The following GABRB1 variants were observed in gnomAD, a reference collection of about 807,000 sequenced individuals.
GABRB1 encodes gamma-aminobutyric acid type A receptor subunit beta1, also known as gamma-aminobutyric acid receptor subunit beta-1.
A neutral mutation model predicts 51.6 loss-of-function variants in GABRB1; 17 were observed. The observed-to-expected ratio is 0.33, with a 90% confidence interval of 0.23 to 0.49. The LOEUF is 0.49. Ranked by LOEUF, GABRB1 falls within the 20% of genes least tolerant of loss-of-function variation. The pLI is 0.99. For missense variants in GABRB1, 410 were observed against 600.6 expected (o/e 0.68, Z 3.32); for synonymous variants, 247 against 218.9 (o/e 1.13, Z -1.14).
At chr4:47,395,474 T>A (rs759871723) in intron 5 of GABRB1, among the ~76,000 whole-genome samples, 23 of 152,104 alleles carry the variant, frequency 1.5e-4, no homozygotes, top group Non-Finnish European at 2.8e-4. Context: ...AGGCCCCTCC[T>A]CCCACACGTG....
chr4:47,252,432 G>A (rs1722030024), intron 4 of GABRB1, among the ~76,000 whole-genome samples: 1 of 151,622 alleles, frequency 6.6e-6, no homozygotes, highest in Non-Finnish European at 1.5e-5. Flanking sequence ...CCTCAGGATT[G>A]CTGGATTGTT....
intron 4 of GABRB1, among the ~76,000 whole-genome samples, chr4:47,271,710 C>T (rs541253395): frequency 1.3e-5 from 2 of 152,144 alleles, no homozygotes; most frequent in Admixed American, 6.6e-5. Context: ...TCATCAGTAA[C>T]GTTTCAGGAG....
intron 4 of GABRB1, among the ~76,000 whole-genome samples, chr4:47,183,600 G>C (rs1414415448): frequency 6.6e-6 from 1 of 151,262 alleles, no homozygotes; most frequent in Non-Finnish European, 1.5e-5. Context: ...CCAAACTCTT[G>C]ACATGGAATG....
At chr4:47,146,677 G>C (rs199541439) in intron 3 of GABRB1, among the ~76,000 whole-genome samples, 1 of 151,992 alleles carries the variant, frequency 6.6e-6, no homozygotes, top group Non-Finnish European at 1.5e-5. Flanking sequence ...CACACTGAGT[G>C]TAAGAATTGT....
intron 4 of GABRB1, among the ~76,000 whole-genome samples, chr4:47,218,864 T>C (rs1720657281): frequency 6.6e-6 from 1 of 151,896 alleles, no homozygotes; most frequent in African/African-American, 2.4e-5. Context: ...GAGCCAAGTA[T>C]TCCTGAAATA....
At chr4:47,352,129 G>A (rs950536291) in intron 5 of GABRB1, among the ~76,000 whole-genome samples, 42 of 152,198 alleles carry the variant, frequency 2.8e-4, no homozygotes, top group African/African-American at 5.8e-4. Context: ...GTATCTCATC[G>A]TGGTTTTGAT....
Position 47,094,229 on chromosome 4 carries a change from CTT to C in GABRB1, c.240+61760_240+61761del, listed in dbSNP as rs35279182. ...TTAATTTTTTCTTTTTCTTTTTTCTCTTTTTTTTTTTTTTTTGACAGAGTCTT... is the reference window on the plus strand; with the variant it reads ...TTAATTTTTTCTTTTTCTTTTTTCTCTTTTTTTTTTTTTTGACAGAGTCTT... On this transcript the variant is annotated intron_variant, in intron 3 of 8. Transcript: ENST00000295454. Among the ~76,000 whole-genome samples, 677 of 126,580 alleles carry C rather than the reference CTT, an allele frequency of 5.3e-3. 3 individuals carry two copies. The highest frequency in any genetic ancestry group is 7.6e-3 in the Non-Finnish European group (460 of 60,890). The allele number at this position is 126,580 out of a possible 152,430, so 83.0% of individuals were successfully genotyped here. A position where few individuals can be genotyped will look rare whatever the true frequency, so the allele number is the denominator to read the frequency against.
intron 4 of GABRB1, among the ~76,000 whole-genome samples, chr4:47,231,343 T>C (rs1721135504): frequency 6.6e-6 from 1 of 152,192 alleles, no homozygotes; most frequent in Admixed American, 6.5e-5. Flanking sequence ...TGTTAGTCAA[T>C]TGATTTCTTT....
Position 47,425,964 on chromosome 4 carries a change from C to T in GABRB1, c.1371C>T (p.Phe457=), listed in dbSNP as rs917492035. The T allele has an allele frequency of 1.9e-6, 3 of 1,611,588 alleles. No homozygotes were observed. In the African/African-American group the frequency reaches 4.0e-5, roughly 22 times the overall value. The change falls in exon 9 of 9, where the codon TTC becomes TTT. Residue 457 remains phenylalanine (F), a synonymous_variant. Coordinates refer to ENST00000295454, the MANE Select transcript of GABRB1 (RefSeq NM_000812.4). ...NSIDKWSRMF[F]PITFSLFNVV... is the part of the protein sequence containing the mutation. ...TAGACAAGTGGTCCCGAATGTTTTT[C>T]CCCATCACCTTTTCTCTTTTTAATG... is the stretch of plus-strand genomic sequence containing the variant.
intron 3 of GABRB1, among the ~76,000 whole-genome samples, chr4:47,090,459 C>T (rs142365604): frequency 1.4e-3 from 218 of 152,266 alleles, no homozygotes; most frequent in African/African-American, 5.1e-3. Flanking sequence ...CAAATTTAAA[C>T]ACTGCAATGA....
chr4:47,157,591 A>G (rs537638898), intron 3 of GABRB1, among the ~76,000 whole-genome samples: 109 of 152,260 alleles, frequency 7.2e-4, no homozygotes, highest in Admixed American at 1.2e-3. Flanking sequence ...TTGTGTGAGA[A>G]CAAATGTTAT....
At chr4:47,028,887 G>C (rs904636034), upstream of GABRB1, among the ~76,000 whole-genome samples, 3 of 147,092 alleles carry the variant, frequency 2.0e-5, no homozygotes, top group African/African-American at 7.5e-5. Context: ...ATATATATAT[G>C]GTGTATATGT....
intron 3 of GABRB1, among the ~76,000 whole-genome samples, chr4:47,043,897 A>G (rs1022823889): frequency 7.9e-5 from 12 of 152,122 alleles, no homozygotes; most frequent in African/African-American, 2.9e-4. Context: ...CTCTTTTTAT[A>G]TCAGAATGTG....
At chr4:47,258,085 A>G (rs1031542012) in intron 4 of GABRB1, among the ~76,000 whole-genome samples, 1 of 152,186 alleles carries the variant, frequency 6.6e-6, no homozygotes, top group Non-Finnish European at 1.5e-5. Context: ...GAGTGTATCT[A>G]TTAATTCTGT....
At chr4:47,087,202 G>A (rs1325015889) in intron 3 of GABRB1, among the ~76,000 whole-genome samples, 1 of 152,116 alleles carries the variant, frequency 6.6e-6, no homozygotes, top group Admixed American at 6.5e-5. Flanking sequence ...AATGAGACAT[G>A]CCCAGACATA....
In GABRB1 at chr4:47,406,883, A is replaced by G; in HGVS notation, c.1037A>G (p.Gln346Arg). 1 of 1,614,158 alleles carries G rather than the reference A, an allele frequency of 6.2e-7. No individual in the cohort carries two copies. The highest frequency in any genetic ancestry group is 1.1e-5 in the South Asian group (1 of 91,080). ...AAAAAGGGAGCTAGCAAACAAGACCAGAGTGCCAATGAGAAGAATAAACTG... is the reference window on the plus strand; with the variant it reads ...AAAAAGGGAGCTAGCAAACAAGACCGGAGTGCCAATGAGAAGAATAAACTG... Reference protein sequence around the residue: ...PQKKGASKQDQSANEKNKLEM... With the variant: ...PQKKGASKQDRSANEKNKLEM... Residue 346 changes from glutamine to arginine, a missense_variant, in exon 8 of 9, where the codon CAG (glutamine) becomes CGG (arginine). By Grantham distance (43) the Gln-to-Arg change is conservative. Transcript: ENST00000295454.
At chr4:47,213,004 T>C (rs183529158) in intron 4 of GABRB1, among the ~76,000 whole-genome samples, 11 of 152,296 alleles carry the variant, frequency 7.2e-5, no homozygotes, top group African/African-American at 2.6e-4. Context: ...ATGGATGCCA[T>C]TCCTTCTGCC....
chr4:47,374,423 A>G (rs1425099782), intron 5 of GABRB1, among the ~76,000 whole-genome samples: 1 of 152,230 alleles, frequency 6.6e-6, no homozygotes, highest in Non-Finnish European at 1.5e-5. Flanking sequence ...ATAATTCTGC[A>G]AGCTGACAGG....
chr4:46,993,673 G>T, upstream of GABRB1: 1 of 443,370 alleles, frequency 2.3e-6, no homozygotes, highest in East Asian at 4.3e-5. Context: ...TATGTATACC[G>T]CTCCACACCC....
Sources: allele counts gnomAD v4.1 joint callset (sites outside exome capture counted in the v4.1 genomes callset), GRCh38; gene constraint gnomAD v4.1.1; transcripts MANE v1.5; gene names NCBI Gene and HGNC (gene_info 2026-07-23, HGNC 2026-07-21).